The following DOCK1 variants were observed in gnomAD, a reference collection of about 807,000 sequenced individuals.
DOCK1 encodes the protein dedicator of cytokinesis protein 1.
DOCK1 carries 138 observed loss-of-function variants against 262.7 expected under a neutral mutation model. That is an observed-to-expected ratio of 0.53 (90% CI 0.46 to 0.61). The LOEUF (loss-of-function observed/expected upper bound fraction) is 0.61. Among genes scored for constraint, DOCK1 ranks in the 20% least tolerant of loss-of-function variants. The pLI is 0.00. For synonymous variants in DOCK1, 866 were observed against 867.4 expected, an observed-to-expected ratio of 1.00 and a Z score of 0.03; for missense variants, 1,908 against 2,370.7, an observed-to-expected ratio of 0.80 and a Z score of 4.05.
At chr10:127,197,391 A>C (rs1396912277) in intron 27 of DOCK1, among the ~76,000 whole-genome samples, 3 of 151,908 alleles carry the variant, frequency 2.0e-5, no homozygotes, top group Non-Finnish European at 4.4e-5. Context: ...CCCACCCACC[A>C]AAGAGTATTG....
chr10:127,201,688 C>A (rs1036241255), intron 27 of DOCK1, among the ~76,000 whole-genome samples: 1 of 152,128 alleles, frequency 6.6e-6, no homozygotes, highest in African/African-American at 2.4e-5. Context: ...TCTCCCCTCT[C>A]CCCTCACAAT....
chr10:127,362,542 G>A (rs2064522373), intron 33 of DOCK1, among the ~76,000 whole-genome samples: 1 of 152,194 alleles, frequency 6.6e-6, no homozygotes, highest in South Asian at 2.1e-4. Flanking sequence ...CAAATGTTAT[G>A]TGTTACATTC....
intron 29 of DOCK1, among the ~76,000 whole-genome samples, chr10:127,283,709 C>A (rs185787412): frequency 2.6e-5 from 4 of 152,322 alleles, no homozygotes; most frequent in African/African-American, 7.2e-5. Flanking sequence ...CCAGCATTTT[C>A]ATTGCCAACT....
Position 127,125,568 on chromosome 10 carries a change from C to G in DOCK1, c.2718C>G (p.Ser906Arg), listed in dbSNP as rs765922744. The change falls in exon 26 of 52, where the codon AGC (serine) becomes AGG (arginine). Residue 906 changes from serine (S) to arginine (R), a missense_variant. Ser to Arg is a moderately radical substitution (Grantham distance 110). Coordinates refer to ENST00000623213, the MANE Select transcript of DOCK1 (RefSeq NM_001290223.2). ...TGGAGGCCTGCTGTCAGCTGCTCAG[C>G]CACATCCTGGAGGTGCTGTACAGGA... is the stretch of plus-strand genomic sequence containing the variant. ...EDLEACCQLL[S>R]HILEVLYRKD... is the part of the protein sequence containing the mutation. 1.2e-6 allele frequency: 2 copies of G among 1,613,836 alleles called. No individual in the cohort carries two copies. Among genetic ancestry groups the G allele is most frequent in the African/African-American group, 1.3e-5 (1 of 75,014 alleles).
At position 127,343,923 on chromosome 10, in the gene DOCK1, A is replaced by G. The variant is rs1404752188; in HGVS notation, c.3224+177A>G. Among the ~76,000 whole-genome samples, 5 of 152,232 alleles carry G rather than the reference A, an allele frequency of 3.3e-5. No homozygotes were observed. The East Asian group carries it at 9.6e-4, about 29-fold the overall frequency. On this transcript the variant is annotated intron_variant, in intron 31 of 51. Coordinates refer to ENST00000623213, the MANE Select transcript of DOCK1 (RefSeq NM_001290223.2). ...TTTTCTAACCCATGAATCAAGATCT[A>G]AAATTGCAGGACTCATCCTGGAAGG...
At chr10:127,347,390 G>A (rs1451814917) in intron 31 of DOCK1, among the ~76,000 whole-genome samples, 7 of 152,208 alleles carry the variant, frequency 4.6e-5, no homozygotes, top group East Asian at 1.9e-4. Flanking sequence ...TTGGCAGCCC[G>A]GAGACGGCCC....
intron 47 of DOCK1, among the ~76,000 whole-genome samples, chr10:127,429,423 T>A (rs1289831495): frequency 2.0e-5 from 3 of 152,068 alleles, no homozygotes; most frequent in African/African-American, 4.8e-5. Context: ...GCCTTTCCTG[T>A]CTTACCTACT....
intron 27 of DOCK1, among the ~76,000 whole-genome samples, chr10:127,212,864 G>A (rs1244476350): frequency 1.3e-5 from 2 of 148,444 alleles, no homozygotes; most frequent in Non-Finnish European, 3.0e-5. Context: ...CGTCTCTTCT[G>A]TGATGATTTC....
chr10:127,306,967 A>G (rs1056759042), intron 29 of DOCK1, among the ~76,000 whole-genome samples: 1 of 152,210 alleles, frequency 6.6e-6, no homozygotes, highest in Non-Finnish European at 1.5e-5. Context: ...ATACTCTGTC[A>G]ATAGTTTGGG....
chr10:127,258,828 G>T (rs1478238016), intron 29 of DOCK1, among the ~76,000 whole-genome samples: 1 of 152,244 alleles, frequency 6.6e-6, no homozygotes, highest in East Asian at 1.9e-4. Context: ...GCTGATAGGT[G>T]TGTAGTGTAT....
At chr10:126,973,163 G>A (rs1274268143) in intron 2 of DOCK1, among the ~76,000 whole-genome samples, 1 of 151,840 alleles carries the variant, frequency 6.6e-6, no homozygotes, top group African/African-American at 2.4e-5. Flanking sequence ...ATGATTTCCT[G>A]TGGCCCCTGG....
At chr10:127,204,566 C>T (rs1004442173) in intron 27 of DOCK1, among the ~76,000 whole-genome samples, 11 of 152,062 alleles carry the variant, frequency 7.2e-5, no homozygotes, top group African/African-American at 2.7e-4. Context: ...GGATCACTGG[C>T]GTGAGCCACC....
chr10:126,941,671 C>A (rs1000087453), intron 1 of DOCK1, among the ~76,000 whole-genome samples: 1 of 152,024 alleles, frequency 6.6e-6, no homozygotes, highest in African/African-American at 2.4e-5. Context: ...AGGAGAATGG[C>A]GTGAACCCGG....
At chr10:127,237,920 T>G (rs11016863) in intron 27 of DOCK1, among the ~76,000 whole-genome samples, 11,886 of 152,290 alleles carry the variant, frequency 0.078, 615 homozygotes, top group Non-Finnish European at 0.12. Flanking sequence ...AAATGTTGAA[T>G]CAGTATTAGT....
intron 23 of DOCK1, among the ~76,000 whole-genome samples, chr10:127,093,685 A>G (rs1438060088): frequency 3.3e-5 from 5 of 151,140 alleles, no homozygotes; most frequent in East Asian, 2.0e-4. Context: ...GATAGTCATC[A>G]TTGGATTTAG....
chr10:127,039,969 C>T (rs528760088), intron 19 of DOCK1, among the ~76,000 whole-genome samples: 1 of 152,296 alleles, frequency 6.6e-6, no homozygotes, highest in East Asian at 1.9e-4. Flanking sequence ...GAAGGCCCTC[C>T]TTCAGGTGCT....
At chr10:127,335,412 C>A (rs941658310) in intron 29 of DOCK1, among the ~76,000 whole-genome samples, 1 of 152,228 alleles carries the variant, frequency 6.6e-6, no homozygotes. Context: ...CATCCAAACA[C>A]TTGGCTTAGC....
intron 6 of DOCK1, among the ~76,000 whole-genome samples, chr10:126,991,790 A>C (rs2135017822): frequency 6.6e-6 from 1 of 152,274 alleles, no homozygotes; most frequent in South Asian, 2.1e-4. Context: ...TGGCATCACA[A>C]AGTGCCAGGA....
intron 5 of DOCK1, chr10:126,987,996 AATT>A (rs1255321545): frequency 2.0e-5 from 3 of 149,514 alleles, no homozygotes; most frequent in African/African-American, 7.8e-5. Context: ...GGTAGAGGGC[AATT>A]ACTATTTTTT....
Sources: gnomAD v4.1 joint callset for allele counts (sites outside exome capture counted in the v4.1 genomes callset) on GRCh38, gnomAD v4.1.1 for gene constraint, MANE v1.5 for transcripts, NCBI Gene and HGNC (gene_info 2026-07-23, HGNC 2026-07-21) for gene names.